MYO3A: variants seen among roughly 807,000 people sequenced by gnomAD.
MYO3A encodes myosin IIIA, also known as myosin-IIIa.
MYO3A carries 180 observed loss-of-function variants against 192.7 expected under a neutral mutation model. That is an observed-to-expected ratio of 0.93 (90% CI 0.83 to 1.06). The LOEUF (loss-of-function observed/expected upper bound fraction) is 1.06. MYO3A is among the 50% of genes least tolerant of loss of function. The probability of loss-of-function intolerance (pLI) is 0.00; values close to 1 mark genes in which losing one functional copy is unlikely to be tolerated. For synonymous variants in MYO3A, 628 were observed against 645.3 expected (o/e 0.97, Z 0.41); for missense variants, 1,896 against 1,905.0 (o/e 1.00, Z 0.09).
At chr10:26,026,246 T>C in intron 9 of MYO3A, 131 bp from the exon 10 acceptor site, 1 of 1,073,614 alleles carries the variant, frequency 9.3e-7, no homozygotes, top group Non-Finnish European at 1.3e-6. Context: ...GCAATTAATA[T>C]ATTTTAAGCT....
rs1218978688 is a variant in MYO3A, at chr10:26,066,077, G to A, written c.954-898G>A. Among the ~76,000 whole-genome samples, 2 of 114,002 alleles carry A rather than the reference G, an allele frequency of 1.8e-5. 1 individual carries two copies. Among genetic ancestry groups the A allele is most frequent in the Non-Finnish European group, 3.7e-5 (2 of 53,814 alleles). The allele number at this position is 114,002 out of a possible 152,430, so 74.8% of individuals were successfully genotyped here. The stretch of plus-strand genomic sequence containing the variant: ...GCGGAGCTTGCAGTGAGTCGAGATC[G>A]CGCCACTGCACTCCAGCCTGGGCGA... On this transcript the variant is annotated intron_variant, in intron 10 of 34. Coordinates refer to ENST00000642920, the MANE Select transcript of MYO3A (RefSeq NM_017433.5).
chr10:25,964,759 T>G (rs1257511624), intron 4 of MYO3A, among the ~76,000 whole-genome samples: 2 of 152,216 alleles, frequency 1.3e-5, no homozygotes, highest in African/African-American at 4.8e-5. Context: ...AGAACTCCCT[T>G]TAGCATTTCT....
chr10:25,997,125 T>C, intron 5 of MYO3A, 34 bp from the exon 6 acceptor site: 4 of 1,539,086 alleles, frequency 2.6e-6, no homozygotes, highest in Non-Finnish European at 3.6e-6. Flanking sequence ...TTGATGCTTT[T>C]GTTAAGAGTC....
At chr10:25,949,663 A>G (rs773239312) in intron 2 of MYO3A, among the ~76,000 whole-genome samples, 1 of 152,144 alleles carries the variant, frequency 6.6e-6, no homozygotes, top group South Asian at 2.1e-4. Context: ...GCATGTATTC[A>G]TAGCCATTTA....
intron 23 of MYO3A, among the ~76,000 whole-genome samples, chr10:26,153,648 T>A (rs571309186): frequency 6.6e-6 from 1 of 152,242 alleles, no homozygotes; most frequent in African/African-American, 2.4e-5. Flanking sequence ...AGCTCAAGAG[T>A]TTTTTTCTGA....
At chr10:26,200,500 T>C (rs1460876356) in intron 32 of MYO3A, among the ~76,000 whole-genome samples, 1 of 152,184 alleles carries the variant, frequency 6.6e-6, no homozygotes, top group Non-Finnish European at 1.5e-5. Flanking sequence ...ATAGATGAGC[T>C]CAAATGTATT....
At chr10:26,121,819 A>G (rs1380900495) in intron 18 of MYO3A, among the ~76,000 whole-genome samples, 1 of 149,970 alleles carries the variant, frequency 6.7e-6, no homozygotes. Flanking sequence ...TTCCTGATTT[A>G]TGCTTAGGAA....
At chr10:26,160,704 G>C (rs1287348789) in intron 26 of MYO3A, among the ~76,000 whole-genome samples, 1 of 152,076 alleles carries the variant, frequency 6.6e-6, no homozygotes, top group African/African-American at 2.4e-5. Context: ...TTGAAGGAGG[G>C]TACGGCTTAT....
At chr10:26,090,198 C>T (rs1278064417) in intron 15 of MYO3A, among the ~76,000 whole-genome samples, 1 of 152,170 alleles carries the variant, frequency 6.6e-6, no homozygotes, top group Non-Finnish European at 1.5e-5. Context: ...GATGGCACCA[C>T]CATGTTGCAC....
At position 26,070,037 on chromosome 10, in the gene MYO3A, G is replaced by T. The variant is rs966256044; in HGVS notation, c.1171-74G>T. The T allele has an allele frequency of 4.7e-6, 5 of 1,068,840 alleles. No homozygotes were observed. The African/African-American group carries it at 6.4e-5, about 14-fold the overall frequency. 66.2% of individuals were successfully genotyped at this position (1,068,840 alleles called of 1,614,324 possible). On this transcript the variant is annotated intron_variant, in intron 12 of 34. Coordinates refer to ENST00000642920, the MANE Select transcript of MYO3A (RefSeq NM_017433.5). The stretch of plus-strand genomic sequence containing the variant: ...TTTATACTTTGCTTTAAAAATTGGA[G>T]CTATATTTGTAAATAATTCAGGACT...
chr10:26,039,150 C>G (rs1032494979), intron 10 of MYO3A, among the ~76,000 whole-genome samples: 2 of 151,584 alleles, frequency 1.3e-5, no homozygotes, highest in Non-Finnish European at 2.9e-5. Context: ...AAGCGATTCT[C>G]CTGCCTCAGC....
At chr10:26,044,730 C>G (rs747949281) in intron 10 of MYO3A, among the ~76,000 whole-genome samples, 1 of 152,068 alleles carries the variant, frequency 6.6e-6, no homozygotes, top group Non-Finnish European at 1.5e-5. Flanking sequence ...CAAGCCTAGC[C>G]CAACCAATGG....
intron 10 of MYO3A, among the ~76,000 whole-genome samples, chr10:26,044,898 T>C (rs1843550825): frequency 6.6e-6 from 1 of 152,080 alleles, no homozygotes; most frequent in South Asian, 2.1e-4. Context: ...AACAAACAGA[T>C]CCATCTATTT....
chr10:26,009,941 G>A (rs1007725060), intron 6 of MYO3A, among the ~76,000 whole-genome samples: 4 of 152,156 alleles, frequency 2.6e-5, no homozygotes, highest in African/African-American at 9.7e-5. Flanking sequence ...CAAGGTATCA[G>A]TGATGATAGT....
At chr10:26,101,385 A>G (rs1166923099) in intron 17 of MYO3A, among the ~76,000 whole-genome samples, 1 of 152,206 alleles carries the variant, frequency 6.6e-6, no homozygotes, top group African/African-American at 2.4e-5. Flanking sequence ...TGGAGCATTT[A>G]GCCCATTTAC....
At chr10:26,056,278 G>A (rs1834104850) in intron 10 of MYO3A, among the ~76,000 whole-genome samples, 1 of 152,106 alleles carries the variant, frequency 6.6e-6, no homozygotes, top group Non-Finnish European at 1.5e-5. Flanking sequence ...AGAAATGTCT[G>A]AAATGGAAAG....
chr10:26,133,545 G>A (rs536916719), intron 20 of MYO3A, among the ~76,000 whole-genome samples: 2 of 152,216 alleles, frequency 1.3e-5, no homozygotes, highest in African/African-American at 4.8e-5. Context: ...TGTGATGTGG[G>A]GATTTGTGGT....
chr10:26,072,213 C>T (rs182309090), intron 14 of MYO3A, among the ~76,000 whole-genome samples: 1 of 152,288 alleles, frequency 6.6e-6, no homozygotes, highest in East Asian at 1.9e-4. Flanking sequence ...GAGGGGATTA[C>T]AGGTCCTTCC....
chr10:26,108,837 A>G (rs1260828338), intron 17 of MYO3A, among the ~76,000 whole-genome samples: 1 of 152,160 alleles, frequency 6.6e-6, no homozygotes, highest in Non-Finnish European at 1.5e-5. Context: ...ATGAAGTGTG[A>G]TCTTTACCAA....
Sources: gnomAD v4.1 joint callset for allele counts (sites outside exome capture counted in the v4.1 genomes callset) on GRCh38, gnomAD v4.1.1 for gene constraint, MANE v1.5 for transcripts, NCBI Gene and HGNC (gene_info 2026-07-23, HGNC 2026-07-21) for gene names.